Variants in NIPBL observed in about 807,000 individuals in gnomAD.
NIPBL encodes the protein NIPBL cohesin loading factor.
Under a neutral mutation model 321.8 loss-of-function variants are expected in NIPBL, and 19 were observed. The ratio of observed to expected loss-of-function variants is 0.06; its 90% CI spans 0.04 to 0.09. The LOEUF is 0.09. Among genes scored for constraint, NIPBL ranks in the 10% least tolerant of loss-of-function variants. The pLI, the probability that NIPBL is intolerant of heterozygous loss-of-function variation, is 1.00. For missense variants in NIPBL, 2,210 were observed against 3,327.0 expected (o/e 0.66, Z 8.26); for synonymous variants, 1,106 against 1,114.1 (o/e 0.99, Z 0.14).
intron 36 of NIPBL, among the ~76,000 whole-genome samples, chr5:37,045,036 A>G (rs1031723181): frequency 1.3e-5 from 2 of 152,234 alleles, no homozygotes; most frequent in Admixed American, 6.5e-5. Context: ...TTCTAGACAT[A>G]TTTAATATTT....
At chr5:37,058,440 T>C (rs16903485) in intron 43 of NIPBL, among the ~76,000 whole-genome samples, 2,176 of 152,296 alleles carry the variant, frequency 0.014, 58 homozygotes, top group African/African-American at 0.051. Flanking sequence ...GAAACAGGAT[T>C]TAAGTCTTCA....
At chr5:37,056,226 TAGAG>T (rs1009446485) in intron 42 of NIPBL, among the ~76,000 whole-genome samples, 1 of 152,126 alleles carries the variant, frequency 6.6e-6, no homozygotes, top group Non-Finnish European at 1.5e-5. Flanking sequence ...AAAGTAAAAA[TAGAG>T]TGAGAGTGAT....
chr5:36,930,704 A>AG, intron 1 of NIPBL, among the ~76,000 whole-genome samples: 1 of 152,246 alleles, frequency 6.6e-6, no homozygotes, highest in East Asian at 1.9e-4. Flanking sequence ...ATTAGGTTGA[A>AG]GAAGAGCCTT....
chr5:36,893,011 T>C (rs953182227), intron 1 of NIPBL, among the ~76,000 whole-genome samples: 10 of 152,188 alleles, frequency 6.6e-5, no homozygotes, highest in Admixed American at 5.9e-4. Context: ...ACTATTTCTT[T>C]TTAATGCTTT....
chr5:36,948,789 TG>T (rs1458924510), intron 1 of NIPBL, among the ~76,000 whole-genome samples: 1 of 151,852 alleles, frequency 6.6e-6, no homozygotes, highest in Non-Finnish European at 1.5e-5. Context: ...TAAGAGTAAT[TG>T]AAGTGCCATA....
At chr5:36,922,466 A>C (rs1283652281) in intron 1 of NIPBL, among the ~76,000 whole-genome samples, 1 of 152,182 alleles carries the variant, frequency 6.6e-6, no homozygotes, top group Non-Finnish European at 1.5e-5. Flanking sequence ...TGAAGAAAAC[A>C]AAACTGAGGG....
chr5:36,904,393 C>T (rs1485494821), intron 1 of NIPBL, among the ~76,000 whole-genome samples: 1 of 152,118 alleles, frequency 6.6e-6, no homozygotes, highest in African/African-American at 2.4e-5. Flanking sequence ...CACTTGAACC[C>T]GGGAGGCGGA....
chr5:37,014,815 A>T (rs1465732445), intron 22 of NIPBL, 50 bp downstream of exon 22: 1 of 1,079,356 alleles, frequency 9.3e-7, no homozygotes, highest in Non-Finnish European at 1.4e-6. Flanking sequence ...AGTATAGAGA[A>T]TAGTTCATTT....
intron 1 of NIPBL, among the ~76,000 whole-genome samples, chr5:36,934,653 G>A (rs1270371117): frequency 6.6e-6 from 1 of 152,092 alleles, no homozygotes; most frequent in East Asian, 1.9e-4. Context: ...ACATTTTAAG[G>A]GGAAATGATT....
In NIPBL at chr5:37,017,166, C is replaced by T; in HGVS notation, c.4920+4C>T. ...TATAGAACGCATTTTAAAACAGGTA[C>T]TAAGATAAAAGATTAAAATTATGGG... On this transcript the variant is annotated splice_donor_region_variant and intron_variant, in intron 24 of 46. Transcript: ENST00000282516. 3.7e-6 allele frequency: 6 copies of T among 1,607,158 alleles called. No homozygotes were observed. Among genetic ancestry groups the T allele is most frequent in the Non-Finnish European group, 4.3e-6 (5 of 1,174,606 alleles).
At chr5:36,908,634 T>C (rs960477433) in intron 1 of NIPBL, among the ~76,000 whole-genome samples, 1 of 152,056 alleles carries the variant, frequency 6.6e-6, no homozygotes, top group Non-Finnish European at 1.5e-5. Context: ...TGGAGAACTT[T>C]AGGCATTAAA....
At chr5:36,961,691 A>C in intron 5 of NIPBL, 108 bp downstream of exon 5, 1 of 814,454 alleles carries the variant, frequency 1.2e-6, no homozygotes, top group Non-Finnish European at 2.1e-6. Context: ...GAGTTTAAAT[A>C]GTTGAAATAC....
chr5:36,975,612 A>G (rs1743349426), intron 8 of NIPBL, among the ~76,000 whole-genome samples, 164 bp from the exon 9 acceptor site: 1 of 152,174 alleles, frequency 6.6e-6, no homozygotes, highest in South Asian at 2.1e-4. Context: ...GTGTGGGACA[A>G]GTTTTTAAGC....
intron 1 of NIPBL, among the ~76,000 whole-genome samples, chr5:36,902,384 AG>A (rs1747300918): frequency 6.6e-6 from 1 of 152,010 alleles, no homozygotes; most frequent in Non-Finnish European, 1.5e-5. Flanking sequence ...GGGTTTTTAT[AG>A]TTTAAATTTT....
At chr5:37,050,098 C>T (rs1753372353) in intron 40 of NIPBL, among the ~76,000 whole-genome samples, 1 of 152,068 alleles carries the variant, frequency 6.6e-6, no homozygotes, top group Non-Finnish European at 1.5e-5. Context: ...GAGACTGTCA[C>T]CTTTTTAAAC....
At chr5:36,883,462 C>T (rs1745653394) in intron 1 of NIPBL, among the ~76,000 whole-genome samples, 1 of 151,808 alleles carries the variant, frequency 6.6e-6, no homozygotes, top group Non-Finnish European at 1.5e-5. Flanking sequence ...ATATTTGGGT[C>T]ACTTATGCAG....
chr5:36,883,010 G>A (rs919183176), intron 1 of NIPBL, among the ~76,000 whole-genome samples: 19 of 151,616 alleles, frequency 1.3e-4, no homozygotes, highest in Non-Finnish European at 2.5e-4. Context: ...ATTAAATGTA[G>A]GTATCTGTGG....
intron 18 of NIPBL, among the ~76,000 whole-genome samples, 177 bp from the exon 19 acceptor site, chr5:37,007,831 C>A (rs1293653490): frequency 2.0e-5 from 3 of 151,842 alleles, no homozygotes; most frequent in Admixed American, 2.0e-4. Flanking sequence ...TATATGCTAA[C>A]GTGCTTTGAG....
At chr5:37,043,414 G>C (rs1185073411) in intron 34 of NIPBL, among the ~76,000 whole-genome samples, 2 of 151,768 alleles carry the variant, frequency 1.3e-5, no homozygotes, top group Admixed American at 6.6e-5. Context: ...TGTAATCCCA[G>C]CTACTCGGGT....
Sources: allele counts gnomAD v4.1 joint callset (sites outside exome capture counted in the v4.1 genomes callset), GRCh38; gene constraint gnomAD v4.1.1; transcripts MANE v1.5; gene names NCBI Gene and HGNC (gene_info 2026-07-23, HGNC 2026-07-21).